The following PPARGC1A variants were observed in gnomAD, a reference collection of about 807,000 sequenced individuals.
The protein encoded by PPARGC1A is PPARG coactivator 1 alpha.
In PPARGC1A, 25 loss-of-function variants were observed where a neutral mutation model predicts 88.7. The ratio of observed to expected loss-of-function variants is 0.28; its 90% confidence interval spans 0.21 to 0.39. The LOEUF (loss-of-function observed/expected upper bound fraction) is 0.39, where lower values mean the gene tolerates loss of function less well. PPARGC1A is among the 10% of genes least tolerant of loss of function. PPARGC1A has a pLI of 1.00. For missense variants in PPARGC1A, 880 were observed against 968.7 expected (o/e 0.91, Z 1.22); for synonymous variants, 363 against 355.6 (o/e 1.02, Z -0.24).
the PPARGC1A span, among the ~76,000 whole-genome samples, chr4:24,321,912 AAAAG>A: frequency 0.013 from 2,052 of 152,324 alleles, 36 homozygotes; most frequent in African/African-American, 0.046. Context: ...TTGTTCGTAA[AAAAG>A]AAATAATCGG....
the PPARGC1A span, among the ~76,000 whole-genome samples, chr4:24,028,027 C>T: frequency 6.6e-6 from 1 of 151,984 alleles, no homozygotes; most frequent in Admixed American, 6.6e-5. Flanking sequence ...GAGACTGAGG[C>T]TTGGAAAATT....
the PPARGC1A span, among the ~76,000 whole-genome samples, chr4:24,376,594 A>G: frequency 1.3e-5 from 2 of 152,200 alleles, no homozygotes; most frequent in Non-Finnish European, 2.9e-5. Context: ...TAGCTCACTG[A>G]TCTTTCCGTT....
intron 2 of PPARGC1A, among the ~76,000 whole-genome samples, chr4:23,833,001 T>C (rs2148558806): frequency 6.6e-6 from 1 of 152,286 alleles, no homozygotes; most frequent in East Asian, 1.9e-4. Flanking sequence ...AGAAAGCTAA[T>C]CTTCAATCAT....
chr4:24,059,162 G>T, the PPARGC1A span, among the ~76,000 whole-genome samples: 3 of 151,964 alleles, frequency 2.0e-5, no homozygotes, highest in Non-Finnish European at 2.9e-5. Context: ...CTATCAAAAG[G>T]GCAAAAACTC....
the PPARGC1A span, among the ~76,000 whole-genome samples, chr4:24,068,674 T>G: frequency 6.6e-6 from 1 of 152,226 alleles, no homozygotes; most frequent in East Asian, 1.9e-4. Flanking sequence ...CTGGCCTAAA[T>G]TGAAATAGAA....
the PPARGC1A span, among the ~76,000 whole-genome samples, chr4:24,370,239 T>TA: frequency 6.6e-6 from 1 of 151,798 alleles, no homozygotes; most frequent in Non-Finnish European, 1.5e-5. Flanking sequence ...TTCCAGAGGT[T>TA]AAAAAAAAGT....
the PPARGC1A span, among the ~76,000 whole-genome samples, chr4:24,172,439 C>A: frequency 6.6e-6 from 1 of 152,174 alleles, no homozygotes; most frequent in Non-Finnish European, 1.5e-5. Context: ...TCAGACACAA[C>A]GAAGCTGGGA....
chr4:23,895,857 G>A (rs1325722737), intron 1 of PPARGC1A, among the ~76,000 whole-genome samples: 1 of 151,686 alleles, frequency 6.6e-6, no homozygotes, highest in Admixed American at 6.6e-5. Flanking sequence ...TGCCCAATGC[G>A]ACATTATTTG....
the PPARGC1A span, among the ~76,000 whole-genome samples, chr4:24,351,387 C>T: frequency 7.2e-6 from 1 of 138,924 alleles, no homozygotes; most frequent in Non-Finnish European, 1.5e-5. Context: ...AGGTGAGATC[C>T]TGTCTCAAAA....
At chr4:23,902,145 G>A (rs1719481873), upstream of PPARGC1A, among the ~76,000 whole-genome samples, 1 of 151,976 alleles carries the variant, frequency 6.6e-6, no homozygotes, top group Non-Finnish European at 1.5e-5. Flanking sequence ...AATATATTAA[G>A]TCAAAGACAT....
At chr4:24,023,650 C>A in the PPARGC1A span, among the ~76,000 whole-genome samples, 2,411 of 152,298 alleles carry the variant, frequency 0.016, 36 homozygotes, top group South Asian at 0.088. Context: ...CCAAGAGAAA[C>A]TAAGACAGGT....
intron 2 of PPARGC1A, among the ~76,000 whole-genome samples, chr4:23,870,321 G>A (rs1009841036): frequency 6.6e-6 from 1 of 152,148 alleles, no homozygotes; most frequent in East Asian, 1.9e-4. Context: ...AAATTATGAG[G>A]ATTGATTTTG....
chr4:24,041,438 G>T, the PPARGC1A span, among the ~76,000 whole-genome samples: 5 of 151,976 alleles, frequency 3.3e-5, no homozygotes, highest in Admixed American at 3.3e-4. Context: ...AGGTGGTCCT[G>T]GCCTCCCACT....
chr4:24,355,084 G>C, the PPARGC1A span, among the ~76,000 whole-genome samples: 2 of 152,176 alleles, frequency 1.3e-5, no homozygotes, highest in Non-Finnish European at 2.9e-5. Flanking sequence ...GAAAGTTGAA[G>C]GGACTTACCG....
chr4:23,842,169 G>A (rs1233590271), intron 2 of PPARGC1A, among the ~76,000 whole-genome samples: 1 of 152,146 alleles, frequency 6.6e-6, no homozygotes, highest in Non-Finnish European at 1.5e-5. Context: ...TCTAAGGTGG[G>A]AGATGCAAGT....
At chr4:24,040,992 A>C in the PPARGC1A span, among the ~76,000 whole-genome samples, 3 of 152,160 alleles carry the variant, frequency 2.0e-5, no homozygotes, top group Non-Finnish European at 4.4e-5. Flanking sequence ...CTATTTCTAA[A>C]CTGCTCAAGT....
upstream of PPARGC1A, among the ~76,000 whole-genome samples, chr4:23,907,281 A>G (rs2148893989): frequency 6.6e-6 from 1 of 152,338 alleles, no homozygotes; most frequent in East Asian, 1.9e-4. Flanking sequence ...TAGCAATGAA[A>G]GTTGCATGCA....
the PPARGC1A span, among the ~76,000 whole-genome samples, chr4:24,338,904 T>TTTA: frequency 6.6e-5 from 10 of 152,148 alleles, no homozygotes; most frequent in Non-Finnish European, 1.2e-4. Context: ...TTTAAAAATC[T>TTTA]TTATTATTGT....
the PPARGC1A span, among the ~76,000 whole-genome samples, chr4:24,433,351 T>C: frequency 1.3e-5 from 2 of 152,110 alleles, no homozygotes; most frequent in African/African-American, 4.8e-5. Flanking sequence ...ATTACCTTAC[T>C]TCGCTCTGGG....
Sources: gnomAD v4.1 joint callset for allele counts (sites outside exome capture counted in the v4.1 genomes callset) on GRCh38, gnomAD v4.1.1 for gene constraint, MANE v1.5 for transcripts, NCBI Gene and HGNC (gene_info 2026-07-23, HGNC 2026-07-21) for gene names.